Variants in AFF3 observed in about 807,000 individuals in gnomAD.
AFF3 encodes AF4/FMR2 family member 3.
AFF3 carries 32 observed loss-of-function variants against 129.7 expected under a neutral mutation model. That is an observed-to-expected ratio of 0.25 (90% CI 0.19 to 0.33). AFF3 has a LOEUF of 0.33. AFF3 is among the 10% of genes least tolerant of loss of function. The probability of loss-of-function intolerance (pLI) is 1.00; values close to 1 mark genes in which losing one functional copy is unlikely to be tolerated. For missense variants in AFF3, 1,373 were observed against 1,592.0 expected, an observed-to-expected ratio of 0.86 and a Z score of 2.34; for synonymous variants, 644 against 635.4, an observed-to-expected ratio of 1.01 and a Z score of -0.20.
At chr2:99,986,077 T>G (rs1679832689) in intron 7 of AFF3, among the ~76,000 whole-genome samples, 1 of 151,688 alleles carries the variant, frequency 6.6e-6, no homozygotes, top group Non-Finnish European at 1.5e-5. Flanking sequence ...GGTGGGTGCC[T>G]ATAGTCCCAG....
At chr2:99,954,796 A>G (rs1676481702) in intron 7 of AFF3, among the ~76,000 whole-genome samples, 1 of 150,506 alleles carries the variant, frequency 6.6e-6, no homozygotes, top group Admixed American at 6.6e-5. Context: ...GGATAGCTTT[A>G]GGAGATATAC....
intron 9 of AFF3, among the ~76,000 whole-genome samples, chr2:99,744,392 A>C (rs1680965208): frequency 6.6e-6 from 1 of 152,218 alleles, no homozygotes; most frequent in East Asian, 1.9e-4. Flanking sequence ...AAGTTCACAT[A>C]ACATTAAAAT....
At chr2:99,563,097 C>T (rs1387158082) in intron 20 of AFF3, among the ~76,000 whole-genome samples, 1 of 152,066 alleles carries the variant, frequency 6.6e-6, no homozygotes, top group Non-Finnish European at 1.5e-5. Context: ...GGTGAGAACC[C>T]CTTGCCAGCG....
intron 7 of AFF3, among the ~76,000 whole-genome samples, chr2:99,984,509 A>G (rs968238968): frequency 2.0e-5 from 3 of 152,192 alleles, no homozygotes; most frequent in African/African-American, 7.2e-5. Flanking sequence ...AGATCATCTA[A>G]ATGTGTTTTT....
At chr2:99,611,738 T>C (rs2105211358) in intron 13 of AFF3, among the ~76,000 whole-genome samples, 1 of 152,082 alleles carries the variant, frequency 6.6e-6, no homozygotes, top group East Asian at 1.9e-4. Context: ...AATACAAAAA[T>C]TAGCTGGGTG....
At chr2:99,991,190 A>T (rs2104587523) in intron 7 of AFF3, among the ~76,000 whole-genome samples, 1 of 152,324 alleles carries the variant, frequency 6.6e-6, no homozygotes, top group African/African-American at 2.4e-5. Context: ...ATTTGATGAG[A>T]CTAAAGAAAT....
chr2:100,008,082 A>G (rs147513740), intron 5 of AFF3: 2 of 153,364 alleles, frequency 1.3e-5, no homozygotes, highest in East Asian at 3.9e-4. Context: ...TTAAAAAATG[A>G]ACTGGATTAA....
chr2:99,900,378 C>T (rs915720463), intron 7 of AFF3, among the ~76,000 whole-genome samples: 4 of 152,186 alleles, frequency 2.6e-5, no homozygotes, highest in Admixed American at 2.0e-4. Flanking sequence ...GGCTCTCAAG[C>T]TTTAAAACAT....
At chr2:99,683,336 G>C (rs763811095) in intron 11 of AFF3, among the ~76,000 whole-genome samples, 1 of 152,220 alleles carries the variant, frequency 6.6e-6, no homozygotes, top group Non-Finnish European at 1.5e-5. Context: ...ATTTTATACA[G>C]TGTCTGGTAT....
chr2:99,569,189 A>G (rs1221015275), intron 18 of AFF3, among the ~76,000 whole-genome samples: 1 of 152,130 alleles, frequency 6.6e-6, no homozygotes, highest in Non-Finnish European at 1.5e-5. Flanking sequence ...ATTTGTGAAT[A>G]TATTTTTTTA....
At chr2:99,848,052 T>TG (rs1254869832) in intron 7 of AFF3, among the ~76,000 whole-genome samples, 2 of 151,806 alleles carry the variant, frequency 1.3e-5, no homozygotes, top group African/African-American at 4.8e-5. Context: ...GAGGCCAACG[T>TG]GGGGGGATCA....
rs1243985698 is a variant in AFF3 at position 99,558,973 on chromosome 2, A to C, written c.3192-5T>G. On this transcript the variant is annotated splice_region_variant and splice_polypyrimidine_tract_variant and intron_variant, in intron 21 of 24. Transcript: ENST00000672756. Reference sequence around the variant, plus strand: ...AGGAGGGCCAGGCATCGGTAACTGCAGGCGAAAAGAGAAACAGGCCCAGAA... The same window carrying C: ...AGGAGGGCCAGGCATCGGTAACTGCCGGCGAAAAGAGAAACAGGCCCAGAA... The C allele has an allele frequency of 2.5e-6, 4 of 1,614,000 alleles. No individual in the cohort carries two copies. The highest frequency in any genetic ancestry group is 3.3e-5 in the Admixed American group (2 of 60,002).
intron 11 of AFF3, chr2:99,707,687 T>C: frequency 1.0e-6 from 1 of 976,630 alleles, no homozygotes; most frequent in Non-Finnish European, 1.2e-6. Flanking sequence ...TAGATGTTAA[T>C]AGGATGCCTG....
At position 99,546,835 on chromosome 2, in the gene AFF3, A is replaced by G. The variant is rs1383811289; in HGVS notation, c.*4639T>C. ...CTAACTTGTGACACTAAAGAATGACAAGCAAAGCGGCATCCCAGGGCTACT... is the reference window on the plus strand; with the variant it reads ...CTAACTTGTGACACTAAAGAATGACGAGCAAAGCGGCATCCCAGGGCTACT... On this transcript the variant is annotated 3_prime_UTR_variant, in exon 25 of 25. Coordinates refer to ENST00000672756, the MANE Select transcript of AFF3 (RefSeq NM_001386135.1). 4.6e-6 allele frequency: 1 copy of G among 216,816 alleles called. No homozygotes were observed. Among genetic ancestry groups the G allele is most frequent in the Non-Finnish European group, 9.3e-6 (1 of 107,842 alleles). 13.4% of individuals were successfully genotyped at this position (216,816 alleles called of 1,614,324 possible). A position where few individuals can be genotyped will look rare whatever the true frequency, so the allele number is the denominator to read the frequency against.
At chr2:99,980,471 C>A (rs1679306909) in intron 7 of AFF3, among the ~76,000 whole-genome samples, 1 of 152,230 alleles carries the variant, frequency 6.6e-6, no homozygotes, top group Non-Finnish European at 1.5e-5. Flanking sequence ...CAATATGTGG[C>A]AATTTTCAGA....
intron 11 of AFF3, among the ~76,000 whole-genome samples, chr2:99,694,441 T>C (rs1675985433): frequency 6.6e-6 from 1 of 152,026 alleles, no homozygotes; most frequent in Admixed American, 6.6e-5. Flanking sequence ...GTGAGGGTGC[T>C]GGGTGTGTGC....
chr2:99,849,285 A>G (rs1279287949), intron 7 of AFF3, among the ~76,000 whole-genome samples: 1 of 152,182 alleles, frequency 6.6e-6, no homozygotes, highest in African/African-American at 2.4e-5. Flanking sequence ...ACTGGCAGAT[A>G]CAGTCACAGA....
At chr2:99,778,896 G>A (rs544481244) in intron 8 of AFF3, among the ~76,000 whole-genome samples, 4,354 of 17,548 alleles carry the variant, frequency 0.25, 85 homozygotes, top group Non-Finnish European at 0.29. Context: ...GTGTGTGTGC[G>A]CGTGTGTGTG....
chr2:100,085,146 G>A (rs1348874456), intron 4 of AFF3, among the ~76,000 whole-genome samples: 3 of 145,158 alleles, frequency 2.1e-5, no homozygotes, highest in African/African-American at 5.1e-5. Context: ...ATTTGGAATT[G>A]AAGAATTAAT....
Sources: allele counts gnomAD v4.1 joint callset (sites outside exome capture counted in the v4.1 genomes callset), GRCh38; gene constraint gnomAD v4.1.1; transcripts MANE v1.5; gene names NCBI Gene and HGNC (gene_info 2026-07-23, HGNC 2026-07-21).